Variants in SV2B observed in about 807,000 individuals in gnomAD.
SV2B encodes solute carrier family 22 member B2.
In SV2B, 41 loss-of-function variants were observed where a neutral mutation model predicts 73.9. That is an observed-to-expected ratio of 0.56 (90% CI 0.43 to 0.72). SV2B has a LOEUF of 0.72. SV2B is among the 30% of genes least tolerant of loss of function. The pLI, the probability that SV2B is intolerant of heterozygous loss-of-function variation, is 0.00. For synonymous variants in SV2B, 314 were observed against 314.2 expected, an observed-to-expected ratio of 1.00 and a Z score of 0.01; for missense variants, 764 against 857.8, an observed-to-expected ratio of 0.89 and a Z score of 1.37.
chr15:91,200,763 TAGTC>T (rs760457037), intron 1 of SV2B, among the ~76,000 whole-genome samples: 3 of 151,850 alleles, frequency 2.0e-5, no homozygotes, highest in African/African-American at 2.4e-5. Flanking sequence ...TAAAAAAAAT[TAGTC>T]AGGCATGGTG....
Position 91,258,705 on chromosome 15 carries a change from T to C in SV2B, c.918+151T>C. ...TCGGCTGACCTCACTCATCATTGAA[T>C]CTGGCACCTGCCGGCTGTGATGGTG... On this transcript the variant is annotated intron_variant, in intron 5 of 12. Coordinates refer to ENST00000394232, the MANE Select transcript of SV2B (RefSeq NM_001323032.3). The surrounding 1 kb of genome is among the most constrained non-coding windows in gnomAD (Gnocchi z 4.7). 4.4e-6 allele frequency: 5 copies of C among 1,142,854 alleles called. No homozygotes were observed. In the South Asian group the frequency reaches 8.2e-5, roughly 19 times the overall value. 70.8% of individuals were successfully genotyped at this position (1,142,854 alleles called of 1,614,324 possible).
Position 91,265,927 on chromosome 15 carries a change from G to A in SV2B, c.1009-655G>A, listed in dbSNP as rs959349977. On this transcript the variant is annotated intron_variant, in intron 6 of 12. Transcript: ENST00000394232. The surrounding 1 kb of genome is among the most constrained non-coding windows in gnomAD (Gnocchi z 4.2). ...GGAGGCCAAGGCAGGTGGATCACGA[G>A]GCCAGGAGATGGAGACCATCCTGGC... Among the ~76,000 whole-genome samples, 1 of 152,214 alleles carries A rather than the reference G, an allele frequency of 6.6e-6. No individual in the cohort carries two copies. Among genetic ancestry groups the A allele is most frequent in the Non-Finnish European group, 1.5e-5 (1 of 68,032 alleles).
rs895223336 is a variant in SV2B at position 91,122,793 on chromosome 15, A to G, written c.-392+22430A>G. 1.3e-5 allele frequency among the ~76,000 whole-genome samples: 2 copies of G among 152,160 alleles called. No individual in the cohort carries two copies. The highest frequency in any genetic ancestry group is 4.8e-5 in the African/African-American group (2 of 41,424). The stretch of plus-strand genomic sequence containing the variant: ...ACTGCCTGATCTCACTGATAAACGG[A>G]ATCTAAAAAAGTTGAGCTCATCGAA... On this transcript the variant is annotated intron_variant, in intron 1 of 12. Transcript: ENST00000394232. The surrounding 1 kb of genome is among the most constrained non-coding windows in gnomAD (Gnocchi z 4.3).
chr15:91,156,794 A>T (rs2043505207), intron 1 of SV2B, among the ~76,000 whole-genome samples: 1 of 152,248 alleles, frequency 6.6e-6, no homozygotes, highest in Non-Finnish European at 1.5e-5. Context: ...GAAAACCTCC[A>T]GGGTGCAGTA....
At position 91,229,634 on chromosome 15, in the gene SV2B, C is replaced by T. The variant is rs1338589487; in HGVS notation, c.451+2920C>T. On this transcript the variant is annotated intron_variant, in intron 2 of 12. Coordinates refer to ENST00000394232, the MANE Select transcript of SV2B (RefSeq NM_001323032.3). The surrounding 1 kb of genome is among the most constrained non-coding windows in gnomAD (Gnocchi z 4.3). ...ATGGAGATAATAATAGTATCTACTT[C>T]ATAGGATTATTCTGAGGACTAAATA... Among the ~76,000 whole-genome samples the T allele has an allele frequency of 6.6e-6, 1 of 152,122 alleles. No individual in the cohort carries two copies. The highest frequency in any genetic ancestry group is 2.4e-5 in the African/African-American group (1 of 41,420).
At chr15:91,144,970 AC>A (rs1241647340) in intron 1 of SV2B, among the ~76,000 whole-genome samples, 2 of 151,980 alleles carry the variant, frequency 1.3e-5, no homozygotes, top group Non-Finnish European at 2.9e-5. Flanking sequence ...GCAAGACATG[AC>A]AAATTCTTTT....
chr15:91,173,999 C>T (rs1188547346), intron 1 of SV2B, among the ~76,000 whole-genome samples: 1 of 152,176 alleles, frequency 6.6e-6, no homozygotes, highest in Middle Eastern at 3.2e-3. Flanking sequence ...TCAAGCCAGC[C>T]AGTGTCTATG....
Position 91,118,535 on chromosome 15 carries a change from G to A in SV2B, c.-392+18172G>A, listed in dbSNP as rs866304531. 2.6e-5 allele frequency among the ~76,000 whole-genome samples: 4 copies of A among 152,200 alleles called. No homozygotes were observed. The highest frequency in any genetic ancestry group is 1.3e-4 in the Admixed American group (2 of 15,284). On this transcript the variant is annotated intron_variant, in intron 1 of 12. Coordinates refer to ENST00000394232, the MANE Select transcript of SV2B (RefSeq NM_001323032.3). The surrounding 1 kb of genome is among the most constrained non-coding windows in gnomAD (Gnocchi z 4.7). ...GGGGAGGAGCAGGAGCCCCAGGGCT[G>A]TCCAGGCTCAATCACAAAAGGAGGA...
At chr15:91,203,768 C>A (rs776412957) in intron 1 of SV2B, among the ~76,000 whole-genome samples, 7 of 152,096 alleles carry the variant, frequency 4.6e-5, no homozygotes, top group Non-Finnish European at 7.3e-5. Flanking sequence ...CAAGTTCCTG[C>A]GTGTTAAATC....
chr15:91,256,007 C>T (rs1176124955), intron 4 of SV2B, among the ~76,000 whole-genome samples: 1 of 152,124 alleles, frequency 6.6e-6, no homozygotes, highest in African/African-American at 2.4e-5. Flanking sequence ...AAAGGGAAGT[C>T]TTGGCACCAG....
intron 1 of SV2B, among the ~76,000 whole-genome samples, chr15:91,155,999 C>A (rs1273240775): frequency 1.3e-5 from 2 of 151,924 alleles, no homozygotes; most frequent in Non-Finnish European, 2.9e-5. Flanking sequence ...TTCTGATGAG[C>A]TGATATAGAA....
chr15:91,227,517 C>T lies in SV2B; in HGVS notation c.451+803C>T, dbSNP rs1423437261. 6.6e-6 allele frequency among the ~76,000 whole-genome samples: 1 copy of T among 152,186 alleles called. No individual in the cohort carries two copies. The highest frequency in any genetic ancestry group is 1.5e-5 in the Non-Finnish European group (1 of 68,028). On this transcript the variant is annotated intron_variant, in intron 2 of 12. Transcript: ENST00000394232. This position sits in a 1 kb window ranked among gnomAD's most constrained non-coding sequence, Gnocchi z 4.5. ...TGTATCTACCCTCTAAATTTAGAGT[C>T]TATGAAATTAATTGTGCAGCAAACA...
rs1364706087 is a variant in SV2B at position 91,214,675 on chromosome 15, A to G, written c.-391-11198A>G. On this transcript the variant is annotated intron_variant, in intron 1 of 12. Coordinates refer to ENST00000394232, the MANE Select transcript of SV2B (RefSeq NM_001323032.3). The surrounding 1 kb of genome is among the most constrained non-coding windows in gnomAD (Gnocchi z 4.7). ...AATATCATTAACAATTGTTTTCCCG[A>G]TGAAATCAAAACGAAGTAGGATTGG... is the stretch of plus-strand genomic sequence containing the variant. Among the ~76,000 whole-genome samples the G allele has an allele frequency of 1.3e-5, 2 of 152,214 alleles. No homozygotes were observed. Among genetic ancestry groups the G allele is most frequent in the Non-Finnish European group, 2.9e-5 (2 of 68,032 alleles).
intron 2 of SV2B, among the ~76,000 whole-genome samples, chr15:91,233,850 C>T (rs1033489896): frequency 6.6e-6 from 1 of 152,182 alleles, no homozygotes; most frequent in Non-Finnish European, 1.5e-5. Flanking sequence ...CCCATCAGGC[C>T]TCTAAAGGTG....
At chr15:91,286,689 A>G (rs1409670496) in intron 11 of SV2B, among the ~76,000 whole-genome samples, 1 of 152,182 alleles carries the variant, frequency 6.6e-6, no homozygotes, top group African/African-American at 2.4e-5. Context: ...CCCTCACAAT[A>G]ACCCTATGAG....
In SV2B at chr15:91,197,373, G is replaced by A. The variant is rs2141372006; in HGVS notation, c.-391-28500G>A. On this transcript the variant is annotated intron_variant, in intron 1 of 12. Coordinates refer to ENST00000394232, the MANE Select transcript of SV2B (RefSeq NM_001323032.3). This position sits in a 1 kb window ranked among gnomAD's most constrained non-coding sequence, Gnocchi z 4.9. ...CCTCCCGAGTAGCTGGGATTACAGG[G>A]GTCCGCCACCACACCTGTTTTTATA... Among the ~76,000 whole-genome samples, 1 of 151,652 alleles carries A rather than the reference G, an allele frequency of 6.6e-6. No individual in the cohort carries two copies. The highest frequency in any genetic ancestry group is 2.1e-4 in the South Asian group (1 of 4,780).
At position 91,300,023 on chromosome 15, in the gene SV2B, AGT is replaced by A. The variant is rs1169814693; in HGVS notation, c.*7477_*7478del. 2.0e-5 allele frequency: 3 copies of A among 152,230 alleles called. No individual in the cohort carries two copies. Among genetic ancestry groups the A allele is most frequent in the Non-Finnish European group, 4.4e-5 (3 of 68,036 alleles). The allele number at this position is 152,230 out of a possible 1,614,324, so 9.4% of individuals were successfully genotyped here. A position where few individuals can be genotyped will look rare whatever the true frequency, so the allele number is the denominator to read the frequency against. ...TAAAAGTAGAAAACAAACCATCCAT[AGT>A]GTGTGCATATATACACACAAGGTTT... On this transcript the variant is annotated 3_prime_UTR_variant, in exon 13 of 13. Transcript: ENST00000394232.
At chr15:91,169,342 C>A (rs1172196331) in intron 1 of SV2B, among the ~76,000 whole-genome samples, 1 of 152,088 alleles carries the variant, frequency 6.6e-6, no homozygotes, top group South Asian at 2.1e-4. Flanking sequence ...CTGCATGTGG[C>A]CAGCATGTTT....
intron 2 of SV2B, among the ~76,000 whole-genome samples, chr15:91,246,605 C>T (rs1333048247): frequency 6.6e-6 from 1 of 152,174 alleles, no homozygotes; most frequent in Non-Finnish European, 1.5e-5. Flanking sequence ...TGCATGGTGC[C>T]TGTCACTGCA....
Sources: gnomAD v4.1 joint callset for allele counts (sites outside exome capture counted in the v4.1 genomes callset) on GRCh38, gnomAD v4.1.1 for gene constraint, Gnocchi (gnomAD v3.1) non-coding constraint, MANE v1.5 for transcripts, NCBI Gene and HGNC (gene_info 2026-07-23, HGNC 2026-07-21) for gene names.